Variants in IL1RAPL2 observed in about 807,000 individuals in gnomAD.
IL1RAPL2 encodes the protein interleukin 1 receptor accessory protein like 2.
In IL1RAPL2, 3 loss-of-function variants were observed where a neutral mutation model predicts 44.1. The ratio of observed to expected loss-of-function variants is 0.07; its 90% CI spans 0.03 to 0.18. The LOEUF (loss-of-function observed/expected upper bound fraction) is 0.18, where lower values mean the gene tolerates loss of function less well. Among genes scored for constraint, IL1RAPL2 ranks in the 10% least tolerant of loss-of-function variants. IL1RAPL2 has a pLI of 1.00. For synonymous variants in IL1RAPL2, 181 were observed against 178.8 expected, an observed-to-expected ratio of 1.01 and a Z score of -0.10; for missense variants, 391 against 496.4, an observed-to-expected ratio of 0.79 and a Z score of 2.02.
At chrX:105,459,754 A>T (rs1403254953) in intron 5 of IL1RAPL2, among the ~76,000 whole-genome samples, 5 of 112,035 alleles carry the variant, frequency 4.5e-5, no homozygotes, top group Non-Finnish European at 5.6e-5. Flanking sequence ...CTGTTCAAAA[A>T]TAAATTTTTA....
chrX:105,745,972 T>C (rs2038537838), intron 8 of IL1RAPL2, among the ~76,000 whole-genome samples: 1 of 112,243 alleles, frequency 8.9e-6, no homozygotes, highest in Non-Finnish European at 1.9e-5. Flanking sequence ...CTTGAGCCAC[T>C]GTGTCTGGCC....
intron 5 of IL1RAPL2, among the ~76,000 whole-genome samples, chrX:105,359,733 T>C (rs1179300613): frequency 9.5e-6 from 1 of 105,531 alleles, no homozygotes; most frequent in Admixed American, 1.1e-4. Context: ...TCTAGTTGTC[T>C]CAGAAATTAA....
chrX:104,619,223 C>G (rs965707281), intron 1 of IL1RAPL2, among the ~76,000 whole-genome samples: 1 of 112,317 alleles, frequency 8.9e-6, no homozygotes, highest in Non-Finnish European at 1.9e-5. Flanking sequence ...CAGGTTGCCA[C>G]AGAATGGCTG....
At position 105,195,768 on chromosome X, in the gene IL1RAPL2, A is replaced by G. The variant is rs1556140675; in HGVS notation, c.356+20A>G. ...TTTAAGGTGAGTGTTGTGTGAAAAC[A>G]TTGCCCAATCACATGGCTGATAGTC... On this transcript the variant is annotated intron_variant, in intron 3 of 10. Coordinates refer to ENST00000372582, the MANE Select transcript of IL1RAPL2 (RefSeq NM_017416.2). 3.3e-6 allele frequency: 4 copies of G among 1,204,995 alleles called. No individual in the cohort carries two copies. The highest frequency in any genetic ancestry group is 4.5e-6 in the Non-Finnish European group (4 of 889,877).
intron 2 of IL1RAPL2, among the ~76,000 whole-genome samples, chrX:104,941,809 C>G (rs1189090443): frequency 8.9e-6 from 1 of 111,769 alleles, no homozygotes; most frequent in East Asian, 2.8e-4. Context: ...CCTAGGTTTT[C>G]TTCTAGGGTT....
At chrX:105,484,278 A>G (rs2036251143) in intron 5 of IL1RAPL2, 35 bp from the exon 6 acceptor site, 4 of 1,025,284 alleles carry the variant, frequency 3.9e-6, no homozygotes, top group Admixed American at 2.2e-5. Flanking sequence ...ATTTATCTCA[A>G]TTTTTCCATT....
chrX:105,225,664 CTTTTATTTTATTTTA>C lies in IL1RAPL2; in HGVS notation c.357-8134_357-8120del, dbSNP rs781855827. 4.9e-3 allele frequency among the ~76,000 whole-genome samples: 494 copies of C among 100,317 alleles called. 5 individuals carry two copies. Among genetic ancestry groups the C allele is most frequent in the African/African-American group, 0.016 (462 of 28,886 alleles). The allele number at this position is 100,317 out of a possible 115,157, so 87.1% of individuals were successfully genotyped here. A position where few individuals can be genotyped will look rare whatever the true frequency, so the allele number is the denominator to read the frequency against. ...CAAAGGTGTATGTATAGAAAACATA[CTTTTATTTTATTTTA>C]TTTTATTTTATTTTATTTTTTTTTC... On this transcript the variant is annotated intron_variant, in intron 3 of 10. Transcript: ENST00000372582.
intron 6 of IL1RAPL2, among the ~76,000 whole-genome samples, chrX:105,501,728 G>C (rs1001957685): frequency 8.9e-6 from 1 of 111,976 alleles, no homozygotes; most frequent in Non-Finnish European, 1.9e-5. Context: ...GTGGCTTAAC[G>C]TAAGAAAAGT....
At chrX:105,043,343 G>T (rs969388948) in intron 2 of IL1RAPL2, among the ~76,000 whole-genome samples, 1 of 110,558 alleles carries the variant, frequency 9.0e-6, no homozygotes, top group Non-Finnish European at 1.9e-5. Flanking sequence ...GGACTGAGGG[G>T]ATAGATATGT....
At chrX:105,610,085 G>A (rs2037324606) in intron 6 of IL1RAPL2, among the ~76,000 whole-genome samples, 1 of 111,404 alleles carries the variant, frequency 9.0e-6, no homozygotes, top group Non-Finnish European at 1.9e-5. Context: ...ATCTCTTACT[G>A]GGAAATGTAA....
intron 6 of IL1RAPL2, among the ~76,000 whole-genome samples, chrX:105,575,532 C>G (rs2037044165): frequency 8.9e-6 from 1 of 112,257 alleles, no homozygotes; most frequent in African/African-American, 3.2e-5. Flanking sequence ...CATAGTATTC[C>G]ATGGTGTATA....
chrX:105,125,001 G>A (rs1175556574), intron 2 of IL1RAPL2, among the ~76,000 whole-genome samples: 1 of 107,981 alleles, frequency 9.3e-6, no homozygotes, highest in East Asian at 2.9e-4. Context: ...TTTTTTAAAT[G>A]TATGTTACAC....
Position 105,267,393 on chromosome X carries a change from C to T in IL1RAPL2, c.549C>T (p.Cys183=). ...QEPDVVWYKE[C]KPKMWRSIII... ...TGCAAATATTTTATCTGCAGGAATG[C>T]AAGCCAAAAATGTGGAGAAGCATAA... The change falls in exon 5 of 11, where the codon TGC becomes TGT. Residue 183 remains cysteine, a synonymous_variant. Coordinates refer to ENST00000372582, the MANE Select transcript of IL1RAPL2 (RefSeq NM_017416.2). 1 of 1,195,173 alleles carries T rather than the reference C, an allele frequency of 8.4e-7. No individual in the cohort carries two copies. The highest frequency in any genetic ancestry group is 2.4e-5 in the Admixed American group (1 of 42,242).
chrX:105,376,998 C>A (rs762738542), intron 5 of IL1RAPL2, among the ~76,000 whole-genome samples: 1 of 112,083 alleles, frequency 8.9e-6, no homozygotes, highest in African/African-American at 3.2e-5. Context: ...ATAAACATTG[C>A]AGGTAACAAA....
chrX:104,979,846 C>G (rs1366417753), intron 2 of IL1RAPL2, among the ~76,000 whole-genome samples: 1 of 111,953 alleles, frequency 8.9e-6, no homozygotes, highest in East Asian at 2.8e-4. Context: ...ATGAGGATCA[C>G]AACTGGGACA....
intron 2 of IL1RAPL2, among the ~76,000 whole-genome samples, chrX:105,032,512 C>T (rs1479578867): frequency 3.6e-5 from 4 of 111,718 alleles, no homozygotes; most frequent in Non-Finnish European, 7.5e-5. Context: ...GCAGGTTGTT[C>T]ACTTTCCATG....
At chrX:104,677,939 C>T (rs1265733500) in intron 2 of IL1RAPL2, among the ~76,000 whole-genome samples, 1 of 112,602 alleles carries the variant, frequency 8.9e-6, no homozygotes, top group Non-Finnish European at 1.9e-5. Flanking sequence ...GAGGCAATGC[C>T]TCACCCTGCT....
At chrX:104,922,405 G>A (rs1428087957) in intron 2 of IL1RAPL2, among the ~76,000 whole-genome samples, 1 of 112,664 alleles carries the variant, frequency 8.9e-6, no homozygotes, top group Non-Finnish European at 1.9e-5. Context: ...TGTAATCGCT[G>A]CTGAAAGAAG....
chrX:105,206,107 A>G (rs2033761705), intron 3 of IL1RAPL2, among the ~76,000 whole-genome samples: 1 of 111,277 alleles, frequency 9.0e-6, no homozygotes, highest in Admixed American at 9.6e-5. Context: ...TCATGGTGCT[A>G]TTAACTGAGA....
Sources: gnomAD v4.1 joint callset for allele counts (sites outside exome capture counted in the v4.1 genomes callset) on GRCh38, gnomAD v4.1.1 for gene constraint, MANE v1.5 for transcripts, NCBI Gene and HGNC (gene_info 2026-07-23, HGNC 2026-07-21) for gene names.